The following TSNARE1 variants were observed in gnomAD, a reference collection of about 807,000 sequenced individuals.
TSNARE1 encodes the protein t-SNARE domain-containing protein 1.
TSNARE1 carries 49 observed loss-of-function variants against 62.0 expected under a neutral mutation model. The observed-to-expected ratio is 0.79, with a 90% CI of 0.63 to 1.00. The LOEUF (loss-of-function observed/expected upper bound fraction) is 1.00, where lower values mean the gene tolerates loss of function less well. TSNARE1 is among the 50% of genes least tolerant of loss of function. The pLI is 0.00. For synonymous variants in TSNARE1, 328 were observed against 294.4 expected (o/e 1.11, Z -1.17); for missense variants, 755 against 700.1 (o/e 1.08, Z -0.88).
Position 142,344,296 on chromosome 8 carries a change from T to G in TSNARE1, c.415A>C (p.Lys139Gln). 1 of 1,599,408 alleles carries G rather than the reference T, an allele frequency of 6.3e-7. No homozygotes were observed. Among genetic ancestry groups the G allele is most frequent in the South Asian group, 1.1e-5 (1 of 90,120 alleles). ...CPQETEVLVS[K>Q]VSKHHQLLFG... ...AGCAGCTGGTGGTGCTTGCTCACCT[T>G]GGACACCAGCACCTCGGTCTCCTGC... The change falls in exon 4 of 14, where the codon AAG (lysine) becomes CAG (glutamine). Residue 139 changes from lysine (K) to glutamine (Q), a missense_variant. Coordinates refer to ENST00000524325, the MANE Select transcript of TSNARE1 (RefSeq NM_145003.5).
At chr8:142,222,158 C>G (rs535084264) in intron 13 of TSNARE1, among the ~76,000 whole-genome samples, 2 of 101,632 alleles carry the variant, frequency 2.0e-5, no homozygotes, top group East Asian at 6.4e-4. Context: ...ACTCACTCAT[C>G]CACTCATCCA....
chr8:142,366,568 G>A (rs950926840), intron 1 of TSNARE1, among the ~76,000 whole-genome samples: 2 of 152,132 alleles, frequency 1.3e-5, no homozygotes, highest in South Asian at 2.1e-4. Context: ...CTCTACAGAT[G>A]TTAAAAACAG....
intron 12 of TSNARE1, among the ~76,000 whole-genome samples, chr8:142,240,684 A>T (rs951212730): frequency 5.3e-5 from 8 of 152,238 alleles, no homozygotes; most frequent in South Asian, 2.1e-4. Context: ...GAAGGTAATT[A>T]AAAAAACAGT....
chr8:142,338,885 G>A (rs953322474), intron 4 of TSNARE1, among the ~76,000 whole-genome samples: 3 of 152,110 alleles, frequency 2.0e-5, no homozygotes, highest in Non-Finnish European at 2.9e-5. Context: ...GCCCAGGGCC[G>A]GCCCTCCCTC....
At chr8:142,298,054 C>T (rs1340540367) in intron 10 of TSNARE1, among the ~76,000 whole-genome samples, 5 of 152,210 alleles carry the variant, frequency 3.3e-5, no homozygotes, top group African/African-American at 7.2e-5. Context: ...TGCTACCCCC[C>T]GTCCGCACAG....
At chr8:142,299,541 G>A (rs1420871187) in intron 10 of TSNARE1, among the ~76,000 whole-genome samples, 3 of 152,330 alleles carry the variant, frequency 2.0e-5, no homozygotes, top group Non-Finnish European at 2.9e-5. Flanking sequence ...TCCCCCCCAC[G>A]CTGCCTGATT....
Position 142,319,103 on chromosome 8 carries a change from G to C in TSNARE1, c.894-469C>G, listed in dbSNP as rs560326395. ...CTGGCTGGGGTGGGTGGCCCAGCCA[G>C]AACAGTGGCAGCCGGGCCCCACCAA... On this transcript the variant is annotated intron_variant, in intron 6 of 13. Coordinates refer to ENST00000524325, the MANE Select transcript of TSNARE1 (RefSeq NM_145003.5). The surrounding 1 kb of genome is among the most constrained non-coding windows in gnomAD (Gnocchi z 4.9). Among the ~76,000 whole-genome samples the C allele has an allele frequency of 9.9e-5, 15 of 152,126 alleles. No homozygotes were observed. The East Asian group carries it at 2.9e-3, about 30-fold the overall frequency.
chr8:142,324,162 T>G (rs1829874858), intron 6 of TSNARE1, among the ~76,000 whole-genome samples: 1 of 152,222 alleles, frequency 6.6e-6, no homozygotes, highest in South Asian at 2.1e-4. Context: ...AGATTGAATC[T>G]GATGCATCAG....
chr8:142,246,254 C>T (rs960948738), intron 12 of TSNARE1, among the ~76,000 whole-genome samples: 2 of 152,048 alleles, frequency 1.3e-5, no homozygotes, highest in Non-Finnish European at 2.9e-5. Context: ...GCTGGGGGAC[C>T]CCCAGGAGAT....
At chr8:142,373,096 GACTGTGTCT>G (rs890676401) in intron 1 of TSNARE1, among the ~76,000 whole-genome samples, 1 of 152,316 alleles carries the variant, frequency 6.6e-6, no homozygotes, top group Non-Finnish European at 1.5e-5. Context: ...CTCTCTCTCG[GACTGTGTCT>G]GTGTCTCCCT....
chr8:142,344,366 C>A lies in TSNARE1; in HGVS notation c.345G>T (p.Gly115=). 2 of 1,568,674 alleles carry A rather than the reference C, an allele frequency of 1.3e-6. No homozygotes were observed. The highest frequency in any genetic ancestry group is 1.7e-6 in the Non-Finnish European group (2 of 1,161,524). ...TCTTCTTGGCCCGGGTAGTGCTGGG[C>A]CCCGCCATCCGGCCATGGGGCCCAG... ...SAAGPHGRMA[G]PSTTRAKKRK... The change falls in exon 4 of 14, where the codon GGG becomes GGT. Residue 115 remains glycine, a synonymous_variant. Coordinates refer to ENST00000524325, the MANE Select transcript of TSNARE1 (RefSeq NM_145003.5).
intron 1 of TSNARE1, among the ~76,000 whole-genome samples, chr8:142,381,623 CAGG>C (rs1467315085): frequency 1.3e-5 from 2 of 152,174 alleles, no homozygotes; most frequent in Admixed American, 1.3e-4. Context: ...TGGAGTGAGG[CAGG>C]AGAAGGGCAG....
chr8:142,347,139 C>T (rs1055774073), intron 2 of TSNARE1, among the ~76,000 whole-genome samples: 1 of 152,242 alleles, frequency 6.6e-6, no homozygotes, highest in Non-Finnish European at 1.5e-5. Context: ...GAGAAGCCTG[C>T]AGAAGGACGG....
chr8:142,380,297 C>G (rs1836643246), intron 1 of TSNARE1, among the ~76,000 whole-genome samples: 1 of 152,222 alleles, frequency 6.6e-6, no homozygotes, highest in South Asian at 2.1e-4. Flanking sequence ...GGGGTCCCAC[C>G]CATGGCCAAC....
chr8:142,253,258 C>G (rs111460545), intron 12 of TSNARE1, among the ~76,000 whole-genome samples: 310 of 152,342 alleles, frequency 2.0e-3, no homozygotes, highest in Middle Eastern at 6.8e-3. Context: ...CCTGCAGAAG[C>G]AGGGCCGCTG....
chr8:142,397,106 A>T (rs554380201), intron 1 of TSNARE1, among the ~76,000 whole-genome samples: 2 of 139,022 alleles, frequency 1.4e-5, no homozygotes, highest in Admixed American at 1.4e-4. Context: ...CTGGGGCTGC[A>T]CTCCCTGACC....
chr8:142,259,841 T>C (rs1327982098), intron 12 of TSNARE1, among the ~76,000 whole-genome samples: 2 of 152,188 alleles, frequency 1.3e-5, no homozygotes, highest in Non-Finnish European at 2.9e-5. Context: ...GGAGACTTGG[T>C]GGCACGCCTT....
chr8:142,375,961 T>A (rs1836302350), intron 1 of TSNARE1, among the ~76,000 whole-genome samples: 2 of 152,148 alleles, frequency 1.3e-5, no homozygotes, highest in Non-Finnish European at 2.9e-5. Flanking sequence ...TAGATCTGGC[T>A]GCCCCTCCAG....
intron 2 of TSNARE1, among the ~76,000 whole-genome samples, chr8:142,352,546 T>G (rs1289811375): frequency 3.3e-5 from 5 of 152,230 alleles, no homozygotes; most frequent in Non-Finnish European, 7.3e-5. Flanking sequence ...ATCCCTGAGA[T>G]GCGGAACACG....
Sources: allele counts gnomAD v4.1 joint callset (sites outside exome capture counted in the v4.1 genomes callset), GRCh38; gene constraint gnomAD v4.1.1; non-coding constraint Gnocchi (gnomAD v3.1); transcripts MANE v1.5; gene names NCBI Gene and HGNC (gene_info 2026-07-23, HGNC 2026-07-21).